The following PARD3 variants were observed in gnomAD, a reference collection of about 807,000 sequenced individuals.
PARD3 encodes par-3 family cell polarity regulator, also known as partitioning defective 3 homolog.
In PARD3, 75 loss-of-function variants were observed where a neutral mutation model predicts 155.4. The ratio of observed to expected loss-of-function variants is 0.48; its 90% CI spans 0.40 to 0.58. PARD3 has a LOEUF of 0.58. Ranked by LOEUF, PARD3 falls within the 20% of genes least tolerant of loss-of-function variation. PARD3 has a pLI of 0.00. For missense variants in PARD3, 1,642 were observed against 1,721.7 expected, an observed-to-expected ratio of 0.95 and a Z score of 0.82; for synonymous variants, 576 against 610.5, an observed-to-expected ratio of 0.94 and a Z score of 0.83.
rs2086051434 is a variant in PARD3 at position 34,567,512 on chromosome 10, G to A, written c.223-50353C>T. Among the ~76,000 whole-genome samples, 5 of 152,206 alleles carry A rather than the reference G, an allele frequency of 3.3e-5. No homozygotes were observed. In the South Asian group the frequency reaches 6.2e-4, roughly 19 times the overall value. On this transcript the variant is annotated intron_variant, in intron 2 of 24. Transcript: ENST00000374788. ...CTTAAGAAAAGTTGAGTCCTTTGGCGGCATTTTCTTTTTACACAGGTTTGA... is the reference window on the plus strand; with the variant it reads ...CTTAAGAAAAGTTGAGTCCTTTGGCAGCATTTTCTTTTTACACAGGTTTGA...
At chr10:34,148,146 ACAGG>A (rs1214323372) in intron 22 of PARD3, among the ~76,000 whole-genome samples, 3 of 152,214 alleles carry the variant, frequency 2.0e-5, no homozygotes, top group Non-Finnish European at 4.4e-5. Flanking sequence ...ACATACGGAC[ACAGG>A]CATAGATTTA....
chr10:34,459,830 T>C (rs1273674522), intron 4 of PARD3, among the ~76,000 whole-genome samples: 1 of 152,146 alleles, frequency 6.6e-6, no homozygotes, highest in Non-Finnish European at 1.5e-5. Context: ...TAATTACCAC[T>C]TTCTTCCATT....
In PARD3 at chr10:34,807,486, A is replaced by G. The variant is rs552573862; in HGVS notation, c.120+7390T>C. Among the ~76,000 whole-genome samples the G allele has an allele frequency of 2.6e-5, 4 of 152,280 alleles. No homozygotes were observed. The South Asian group carries it at 8.3e-4, about 32-fold the overall frequency. Reference sequence around the variant, plus strand: ...TCTTAGAATATTTTCATCATCCCAAAAGGAAACCTCATACCCATTCACAGT... The same window carrying G: ...TCTTAGAATATTTTCATCATCCCAAGAGGAAACCTCATACCCATTCACAGT... On this transcript the variant is annotated intron_variant, in intron 1 of 24. Coordinates refer to ENST00000374788, the MANE Select transcript of PARD3 (RefSeq NM_001184785.2).
chr10:34,314,299 T>C (rs1050967733), intron 20 of PARD3, among the ~76,000 whole-genome samples: 1 of 152,242 alleles, frequency 6.6e-6, no homozygotes, highest in African/African-American at 2.4e-5. Context: ...AAGAATGTTT[T>C]GAAAAATCTA....
intron 2 of PARD3, among the ~76,000 whole-genome samples, chr10:34,612,688 T>A (rs572265698): frequency 2.0e-5 from 3 of 152,198 alleles, no homozygotes; most frequent in Non-Finnish European, 4.4e-5. Context: ...TATGAGCTAA[T>A]GGCTGCAGAA....
intron 2 of PARD3, among the ~76,000 whole-genome samples, chr10:34,552,300 C>T (rs1426203764): frequency 6.6e-6 from 1 of 152,192 alleles, no homozygotes; most frequent in African/African-American, 2.4e-5. Flanking sequence ...TGTAGAGATG[C>T]TATGTCATCC....
chr10:34,272,396 G>A (rs1057298719), intron 21 of PARD3, among the ~76,000 whole-genome samples: 4 of 152,074 alleles, frequency 2.6e-5, no homozygotes, highest in Admixed American at 6.6e-5. Context: ...AAAAATATTT[G>A]CAAGGCACGT....
At chr10:34,736,223 G>A (rs1227448784) in intron 1 of PARD3, among the ~76,000 whole-genome samples, 1 of 151,892 alleles carries the variant, frequency 6.6e-6, no homozygotes, top group Non-Finnish European at 1.5e-5. Flanking sequence ...GTAGAGACAG[G>A]GTTTCACCGT....
At position 34,182,248 on chromosome 10, in the gene PARD3, C is replaced by T. The variant is rs530916695; in HGVS notation, c.3420-50665G>A. Among the ~76,000 whole-genome samples the T allele has an allele frequency of 1.2e-4, 19 of 152,288 alleles. No individual in the cohort carries two copies. In the South Asian group the frequency reaches 2.3e-3, roughly 18 times the overall value. ...TTCTGACAGGCAGCTCCAGCAAGGA[C>T]GGGCCTCATTAGCATCATCTGTCCT... On this transcript the variant is annotated intron_variant, in intron 22 of 24. Coordinates refer to ENST00000374788, the MANE Select transcript of PARD3 (RefSeq NM_001184785.2).
intron 22 of PARD3, among the ~76,000 whole-genome samples, chr10:34,165,660 C>T (rs947179232): frequency 6.6e-6 from 1 of 152,204 alleles, no homozygotes; most frequent in African/African-American, 2.4e-5. Flanking sequence ...GAGTGAGTGG[C>T]CTGTTTTTGG....
chr10:34,616,189 T>C (rs934881427), intron 2 of PARD3, among the ~76,000 whole-genome samples: 1 of 151,990 alleles, frequency 6.6e-6, no homozygotes, highest in African/African-American at 2.4e-5. Context: ...TGGTAGCACA[T>C]ACCTGTACTC....
chr10:34,465,361 A>G (rs2077944517), intron 4 of PARD3, among the ~76,000 whole-genome samples: 1 of 152,170 alleles, frequency 6.6e-6, no homozygotes, highest in African/African-American at 2.4e-5. Flanking sequence ...TACTTCAAAA[A>G]TGTTTATAAA....
intron 3 of PARD3, among the ~76,000 whole-genome samples, chr10:34,512,486 ACAGGATGATC>A (rs1299445437): frequency 2.0e-5 from 3 of 152,160 alleles, no homozygotes. Context: ...TTCTGATATG[ACAGGATGATC>A]CAGGATGATC....
intron 2 of PARD3, among the ~76,000 whole-genome samples, chr10:34,625,704 GGA>G (rs747630985): frequency 2.6e-5 from 4 of 152,120 alleles, no homozygotes; most frequent in Non-Finnish European, 5.9e-5. Context: ...CCTGAGGTCG[GGA>G]GTTTGAGACC....
chr10:34,675,598 T>C (rs2093690859), intron 2 of PARD3: 1 of 152,654 alleles, frequency 6.6e-6, no homozygotes, highest in South Asian at 2.1e-4. Flanking sequence ...CAACTTTTTT[T>C]TTTTTTTTGA....
At chr10:34,611,992 G>A (rs1286737627) in intron 2 of PARD3, among the ~76,000 whole-genome samples, 3 of 129,580 alleles carry the variant, frequency 2.3e-5, no homozygotes, top group Non-Finnish European at 3.2e-5. Flanking sequence ...ACGCCCAGCT[G>A]ATTTTTTGTA....
intron 22 of PARD3, among the ~76,000 whole-genome samples, chr10:34,204,705 C>T (rs1951385619): frequency 6.6e-6 from 1 of 152,122 alleles, no homozygotes; most frequent in African/African-American, 2.4e-5. Context: ...TTACATTCCC[C>T]CCTACAATAA....
chr10:34,166,383 CA>C (rs1189821074), intron 22 of PARD3, among the ~76,000 whole-genome samples: 2 of 152,006 alleles, frequency 1.3e-5, no homozygotes, highest in Non-Finnish European at 2.9e-5. Context: ...GAAGCCAAGG[CA>C]AGAAGACTGC....
Position 34,697,486 on chromosome 10 carries a change from G to T in PARD3, c.121-1067C>A, listed in dbSNP as rs115548732. Among the ~76,000 whole-genome samples the T allele has an allele frequency of 9.8e-3, 1,490 of 152,152 alleles. 28 individuals carry two copies. Among genetic ancestry groups the T allele is most frequent in the African/African-American group, 0.034 (1,412 of 41,492 alleles). ...GACTAAGACCCTGGAGCAGGGGTGC[G>T]GGGAGAATCCATATTATTAAGAAGC... On this transcript the variant is annotated intron_variant, in intron 1 of 24. Transcript: ENST00000374788.
Sources: gnomAD v4.1 joint callset for allele counts (sites outside exome capture counted in the v4.1 genomes callset) on GRCh38, gnomAD v4.1.1 for gene constraint, MANE v1.5 for transcripts, NCBI Gene and HGNC (gene_info 2026-07-23, HGNC 2026-07-21) for gene names.